SLC13A1: variants seen among roughly 807,000 people sequenced by gnomAD.
The protein encoded by SLC13A1 is Na(+)/sulfate cotransporter.
SLC13A1 carries 65 observed loss-of-function variants against 70.0 expected under a neutral mutation model. The ratio of observed to expected loss-of-function variants is 0.93; its 90% confidence interval spans 0.76 to 1.14. SLC13A1 has a LOEUF of 1.14. Ranked by LOEUF, SLC13A1 falls within the 50% of genes most tolerant of loss-of-function variation. The probability of loss-of-function intolerance (pLI) is 0.00; values close to 1 mark genes in which losing one functional copy is unlikely to be tolerated. For synonymous variants in SLC13A1, 275 were observed against 250.5 expected, an observed-to-expected ratio of 1.10 and a Z score of -0.92; for missense variants, 726 against 717.8, an observed-to-expected ratio of 1.01 and a Z score of -0.13.
intron 7 of SLC13A1, among the ~76,000 whole-genome samples, chr7:123,139,942 T>C (rs1258781995): frequency 6.6e-6 from 1 of 152,096 alleles, no homozygotes. Flanking sequence ...GAACTTCCAG[T>C]ACTATGTTGA....
chr7:123,163,741 A>T (rs1417515305), intron 6 of SLC13A1, among the ~76,000 whole-genome samples: 2 of 151,978 alleles, frequency 1.3e-5, no homozygotes, highest in African/African-American at 4.8e-5. Context: ...TTATTTTTTT[A>T]AAGCAGCCAA....
chr7:123,121,334 G>C (rs1472326241), intron 12 of SLC13A1, among the ~76,000 whole-genome samples: 1 of 152,042 alleles, frequency 6.6e-6, no homozygotes, highest in Non-Finnish European at 1.5e-5. Context: ...CTGCCAGTAT[G>C]CTATGGATAA....
intron 1 of SLC13A1, among the ~76,000 whole-genome samples, chr7:123,188,301 A>C (rs756014457): frequency 7.2e-5 from 11 of 152,170 alleles, no homozygotes; most frequent in Admixed American, 1.3e-4. Flanking sequence ...ACGCTGAGTC[A>C]ATTAAACCTC....
intron 14 of SLC13A1, among the ~76,000 whole-genome samples, chr7:123,116,785 A>G (rs117613760): frequency 2.3e-4 from 35 of 152,284 alleles, no homozygotes; most frequent in Non-Finnish European, 4.4e-4. Context: ...TTTGCATAGG[A>G]AGCTCACTAA....
intron 1 of SLC13A1, among the ~76,000 whole-genome samples, chr7:123,195,554 T>C (rs1796150646): frequency 6.6e-6 from 1 of 152,040 alleles, no homozygotes; most frequent in African/African-American, 2.4e-5. Context: ...AAAGTTTATA[T>C]TTCCTTACAA....
At chr7:123,152,103 G>T (rs1365577165) in intron 6 of SLC13A1, among the ~76,000 whole-genome samples, 1 of 152,072 alleles carries the variant, frequency 6.6e-6, no homozygotes, top group East Asian at 1.9e-4. Context: ...TCTTGTGTTT[G>T]TGTATTTCTT....
chr7:123,171,955 C>T, intron 2 of SLC13A1, 51 bp from the exon 3 acceptor site: 2 of 1,558,148 alleles, frequency 1.3e-6, no homozygotes, highest in Non-Finnish European at 1.8e-6. Flanking sequence ...GGAAAAATAA[C>T]ATTGCACAAG....
chr7:123,118,532 G>A (rs982444344), intron 13 of SLC13A1, among the ~76,000 whole-genome samples: 3 of 152,060 alleles, frequency 2.0e-5, no homozygotes, highest in Admixed American at 2.0e-4. Context: ...ATTGAGAAAA[G>A]AAGAAAAGAC....
intron 7 of SLC13A1, among the ~76,000 whole-genome samples, chr7:123,138,563 A>G (rs2116364527): frequency 6.6e-6 from 1 of 152,164 alleles, no homozygotes; most frequent in Middle Eastern, 3.4e-3. Context: ...CCTTTTCTCT[A>G]CATCCCTGCC....
intron 3 of SLC13A1, among the ~76,000 whole-genome samples, chr7:123,170,226 A>G (rs936565952): frequency 6.6e-6 from 1 of 152,198 alleles, no homozygotes; most frequent in Non-Finnish European, 1.5e-5. Flanking sequence ...CAAGAACAAT[A>G]CCACACTGTA....
chr7:123,194,844 G>A (rs1377073956), intron 1 of SLC13A1, among the ~76,000 whole-genome samples: 1 of 152,108 alleles, frequency 6.6e-6, no homozygotes, highest in Non-Finnish European at 1.5e-5. Context: ...AACAGAAGGA[G>A]CAGCAGGTTT....
At chr7:123,170,560 G>C (rs1042060967) in intron 3 of SLC13A1, among the ~76,000 whole-genome samples, 40 of 152,258 alleles carry the variant, frequency 2.6e-4, no homozygotes, top group African/African-American at 9.6e-4. Flanking sequence ...CATTTCTGTA[G>C]CACCCTAAAA....
chr7:123,129,290 G>A (rs1456933872), intron 9 of SLC13A1, 93 bp downstream of exon 9: 22 of 1,067,234 alleles, frequency 2.1e-5, no homozygotes, highest in Non-Finnish European at 2.7e-5. Flanking sequence ...CTTTTCAACA[G>A]CTACTTGCAG....
intron 8 of SLC13A1, 113 bp from the exon 9 acceptor site, chr7:123,129,594 T>C (rs770256926): frequency 9.5e-6 from 7 of 736,372 alleles, no homozygotes; most frequent in African/African-American, 1.8e-5. Context: ...TCTCCCTTCA[T>C]GCAATATGAA....
intron 8 of SLC13A1, among the ~76,000 whole-genome samples, chr7:123,131,585 T>C (rs1793762089): frequency 6.6e-6 from 1 of 152,216 alleles, no homozygotes; most frequent in African/African-American, 2.4e-5. Context: ...GGATCATTTA[T>C]AATGGGTGAG....
intron 12 of SLC13A1, 35 bp downstream of exon 12, chr7:123,123,089 TGG>T: frequency 7.2e-7 from 1 of 1,388,350 alleles, no homozygotes; most frequent in Non-Finnish European, 1.0e-6. Flanking sequence ...TTGAACAGTC[TGG>T]TTAATTGTTA....
chr7:123,136,859 T>C (rs1793964328), intron 7 of SLC13A1, among the ~76,000 whole-genome samples: 1 of 152,158 alleles, frequency 6.6e-6, no homozygotes, highest in Non-Finnish European at 1.5e-5. Flanking sequence ...GAGCCAGTCA[T>C]GTGAATAACT....
chr7:123,199,698 C>T (rs925546691), intron 1 of SLC13A1, 150 bp downstream of exon 1: 22 of 587,930 alleles, frequency 3.7e-5, no homozygotes, highest in Non-Finnish European at 6.0e-5. Flanking sequence ...AGAAAATGGC[C>T]AAAACATCAT....
intron 1 of SLC13A1, among the ~76,000 whole-genome samples, chr7:123,181,360 T>A (rs563762348): frequency 2.6e-5 from 4 of 152,234 alleles, no homozygotes; most frequent in Non-Finnish European, 5.9e-5. Context: ...AAAGAGATAA[T>A]CTAGTCCATT....
Sources: allele counts gnomAD v4.1 joint callset (sites outside exome capture counted in the v4.1 genomes callset), GRCh38; gene constraint gnomAD v4.1.1; transcripts MANE v1.5; gene names NCBI Gene and HGNC (gene_info 2026-07-23, HGNC 2026-07-21).